The following KHDRBS2 variants were observed in gnomAD, a reference collection of about 807,000 sequenced individuals.
KHDRBS2 encodes KH RNA binding domain containing, signal transduction associated 2.
In KHDRBS2, 26 loss-of-function variants were observed where a neutral mutation model predicts 44.3. The ratio of observed to expected loss-of-function variants is 0.59; its 90% CI spans 0.43 to 0.81. The LOEUF is 0.81. Ranked by LOEUF, KHDRBS2 falls within the 40% of genes least tolerant of loss-of-function variation. The pLI, the probability that KHDRBS2 is intolerant of heterozygous loss-of-function variation, is 0.00. For synonymous variants in KHDRBS2, 194 were observed against 151.1 expected (o/e 1.28, Z -2.08); for missense variants, 476 against 433.1 (o/e 1.10, Z -0.88).
At chr6:61,632,556 T>C in the KHDRBS2 span, among the ~76,000 whole-genome samples, 1 of 152,188 alleles carries the variant, frequency 6.6e-6, no homozygotes, top group Non-Finnish European at 1.5e-5. Flanking sequence ...TAAAAGTTCA[T>C]ATGAAATTTA....
chr6:61,563,242 A>G, the KHDRBS2 span, among the ~76,000 whole-genome samples: 8 of 152,234 alleles, frequency 5.3e-5, no homozygotes, highest in East Asian at 1.4e-3. Context: ...GTTCTCAACT[A>G]CATTTTATTG....
At chr6:61,778,685 G>A (rs1031691553) in intron 6 of KHDRBS2, among the ~76,000 whole-genome samples, 3 of 152,096 alleles carry the variant, frequency 2.0e-5, no homozygotes, top group African/African-American at 7.2e-5. Context: ...TTGCTTTTTT[G>A]CATCTTCTTT....
At chr6:61,816,380 C>T (rs987452763) in intron 6 of KHDRBS2, among the ~76,000 whole-genome samples, 2 of 151,786 alleles carry the variant, frequency 1.3e-5, no homozygotes, top group African/African-American at 2.4e-5. Flanking sequence ...GGAAGATGCC[C>T]GTGTGAAGAC....
At chr6:62,235,186 C>T (rs1446002072) in intron 1 of KHDRBS2, among the ~76,000 whole-genome samples, 3 of 150,296 alleles carry the variant, frequency 2.0e-5, no homozygotes, top group Non-Finnish European at 4.4e-5. Context: ...ACTTAACACA[C>T]GGGATGGTAA....
At chr6:61,879,817 T>A (rs902990485) in intron 6 of KHDRBS2, among the ~76,000 whole-genome samples, 5 of 151,860 alleles carry the variant, frequency 3.3e-5, no homozygotes, top group African/African-American at 1.2e-4. Context: ...AATAAGTTCA[T>A]CTTTATCTTC....
chr6:61,771,794 C>A (rs1780955462), intron 6 of KHDRBS2, among the ~76,000 whole-genome samples: 1 of 152,126 alleles, frequency 6.6e-6, no homozygotes, highest in Admixed American at 6.6e-5. Context: ...AGAAAGTTAA[C>A]AAGGATAACC....
intron 6 of KHDRBS2, among the ~76,000 whole-genome samples, chr6:61,874,008 A>C (rs898960389): frequency 9.2e-5 from 14 of 152,028 alleles, no homozygotes; most frequent in Non-Finnish European, 1.6e-4. Context: ...TTTTTAAACT[A>C]TACATTAATG....
At chr6:62,163,561 A>G (rs1042856678) in intron 2 of KHDRBS2, among the ~76,000 whole-genome samples, 7 of 152,052 alleles carry the variant, frequency 4.6e-5, no homozygotes, top group African/African-American at 1.4e-4. Context: ...TGCCTCACTT[A>G]GCACCAGAGG....
At chr6:62,249,375 T>C (rs547346264) in intron 1 of KHDRBS2, among the ~76,000 whole-genome samples, 2 of 152,152 alleles carry the variant, frequency 1.3e-5, no homozygotes, top group African/African-American at 4.8e-5. Context: ...TAAGAGAATA[T>C]TTTAACCTAA....
chr6:62,076,797 T>G (rs968597914), intron 2 of KHDRBS2, among the ~76,000 whole-genome samples: 22 of 152,110 alleles, frequency 1.4e-4, no homozygotes, highest in African/African-American at 4.6e-4. Flanking sequence ...ATCCCAACAC[T>G]TTGGGAGGCC....
intron 2 of KHDRBS2, among the ~76,000 whole-genome samples, chr6:62,135,082 T>C (rs909728141): frequency 2.0e-5 from 3 of 152,200 alleles, no homozygotes; most frequent in African/African-American, 7.2e-5. Context: ...AGGTGCAGAA[T>C]GATATGGTTT....
intron 6 of KHDRBS2, among the ~76,000 whole-genome samples, chr6:61,829,796 T>C (rs1408035591): frequency 1.3e-5 from 2 of 152,080 alleles, no homozygotes; most frequent in Non-Finnish European, 2.9e-5. Flanking sequence ...GTAACAGTAG[T>C]CAGGACAAAG....
At chr6:61,558,859 A>G in the KHDRBS2 span, among the ~76,000 whole-genome samples, 1 of 152,186 alleles carries the variant, frequency 6.6e-6, no homozygotes, top group East Asian at 1.9e-4. Context: ...ATTGACAATG[A>G]GTCATATGCT....
chr6:62,204,747 T>C (rs763019409), intron 1 of KHDRBS2, among the ~76,000 whole-genome samples: 1 of 152,120 alleles, frequency 6.6e-6, no homozygotes, highest in South Asian at 2.1e-4. Flanking sequence ...AAATTATGGG[T>C]TGGTACCAGA....
At chr6:62,069,999 T>A (rs1473237676) in intron 2 of KHDRBS2, among the ~76,000 whole-genome samples, 1 of 151,748 alleles carries the variant, frequency 6.6e-6, no homozygotes, top group African/African-American at 2.4e-5. Flanking sequence ...GTTTGTTTTG[T>A]TTTTGTGTCT....
chr6:61,709,310 T>C (rs1770105368), intron 7 of KHDRBS2, among the ~76,000 whole-genome samples: 1 of 151,570 alleles, frequency 6.6e-6, no homozygotes, highest in African/African-American at 2.4e-5. Context: ...GGCGGATTAT[T>C]CATGAGGACA....
At chr6:61,574,381 G>C in the KHDRBS2 span, 1 of 1,525,902 alleles carries the variant, frequency 6.6e-7, no homozygotes, top group Non-Finnish European at 8.8e-7. Flanking sequence ...CAACTGACCT[G>C]CCCGTGAAGA....
At chr6:61,740,233 G>C (rs752477366) in intron 6 of KHDRBS2, among the ~76,000 whole-genome samples, 16 of 151,874 alleles carry the variant, frequency 1.1e-4, no homozygotes, top group Non-Finnish European at 1.6e-4. Context: ...TTGATAAGCA[G>C]GTAAAATGAG....
At chr6:62,076,949 G>C (rs970427242) in intron 2 of KHDRBS2, among the ~76,000 whole-genome samples, 1 of 151,856 alleles carries the variant, frequency 6.6e-6, no homozygotes, top group Non-Finnish European at 1.5e-5. Flanking sequence ...AGGAGGCTGC[G>C]GTGGGAGAAT....
Sources: gnomAD v4.1 joint callset for allele counts (sites outside exome capture counted in the v4.1 genomes callset) on GRCh38, gnomAD v4.1.1 for gene constraint, MANE v1.5 for transcripts, NCBI Gene and HGNC (gene_info 2026-07-23, HGNC 2026-07-21) for gene names.